The following NCKAP5 variants were observed in gnomAD, a reference collection of about 807,000 sequenced individuals.
NCKAP5 encodes the protein nck-associated protein 5.
NCKAP5 carries 92 observed loss-of-function variants against 167.0 expected under a neutral mutation model. The observed-to-expected ratio is 0.55, with a 90% CI of 0.47 to 0.66. The LOEUF is 0.66. NCKAP5 is among the 30% of genes least tolerant of loss of function. The probability of loss-of-function intolerance (pLI) is 0.00; values close to 1 mark genes in which losing one functional copy is unlikely to be tolerated. For missense variants in NCKAP5, 2,378 were observed against 2,315.0 expected (o/e 1.03, Z -0.56); for synonymous variants, 891 against 877.4 (o/e 1.02, Z -0.27).
intron 4 of NCKAP5, among the ~76,000 whole-genome samples, chr2:133,271,039 C>T (rs1316888094): frequency 6.6e-6 from 1 of 151,240 alleles, no homozygotes; most frequent in Non-Finnish European, 1.5e-5. Context: ...CCTGCCTCAG[C>T]CTCCCGAGTA....
Position 133,108,368 on chromosome 2 carries a change from C to A in NCKAP5, c.341+21610G>T, listed in dbSNP as rs74322414. Among the ~76,000 whole-genome samples the A allele has an allele frequency of 5.9e-5, 9 of 152,268 alleles. No homozygotes were observed. The South Asian group carries it at 1.9e-3, about 32-fold the overall frequency. ...CTCTCTTTTTAATAACAGTCTTCCA[C>A]GGAGTCCCTTGAGAGACTAAGAACC... On this transcript the variant is annotated intron_variant, in intron 6 of 19. Transcript: ENST00000409261.
At chr2:132,914,055 T>G (rs999699664) in intron 8 of NCKAP5, among the ~76,000 whole-genome samples, 3 of 152,168 alleles carry the variant, frequency 2.0e-5, no homozygotes, top group African/African-American at 7.2e-5. Context: ...AAAATAAGCA[T>G]AAGAGCCTTA....
intron 15 of NCKAP5, among the ~76,000 whole-genome samples, chr2:132,779,884 T>G (rs1308667656): frequency 1.3e-5 from 2 of 152,182 alleles, no homozygotes; most frequent in African/African-American, 4.8e-5. Flanking sequence ...TTTCAAGTTT[T>G]CCCTCAGAAA....
chr2:133,660,338 T>C, the NCKAP5 span, among the ~76,000 whole-genome samples: 74 of 152,332 alleles, frequency 4.9e-4, 2 homozygotes, highest in South Asian at 0.015. Context: ...AGTGTAATTA[T>C]TGATATTCAA....
intron 19 of NCKAP5, among the ~76,000 whole-genome samples, chr2:132,725,238 G>A (rs1690330382): frequency 6.6e-6 from 1 of 152,186 alleles, no homozygotes; most frequent in African/African-American, 2.4e-5. Context: ...CAGGTCCAGG[G>A]CTACACAGCA....
In NCKAP5 at chr2:132,994,210, T is replaced by G. The variant is rs2077525246; in HGVS notation, c.371A>C (p.Gln124Pro). Reference protein sequence around the residue: ...RMEETVRNLLQSQGSPEQKKE... With the variant: ...RMEETVRNLLPSQGSPEQKKE... Reference sequence around the variant, plus strand: ...TTTCTGCTCTGGAGATCCTTGACTCTGCAATAGATTTCGTACTGTTTCTTC... The same window carrying G: ...TTTCTGCTCTGGAGATCCTTGACTCGGCAATAGATTTCGTACTGTTTCTTC... Residue 124 changes from glutamine (Q) to proline (P), a missense_variant, in exon 7 of 20, where the codon CAG becomes CCG. Gln to Pro is a moderately conservative substitution (Grantham distance 76). This residue lies in a region of NCKAP5 where 1,049 missense variants were observed against 1,023.4 expected (regional missense o/e 1.02). Coordinates refer to ENST00000409261, the MANE Select transcript of NCKAP5 (RefSeq NM_207363.3). 1.9e-6 allele frequency: 3 copies of G among 1,590,850 alleles called. No individual in the cohort carries two copies. The highest frequency in any genetic ancestry group is 2.7e-5 in the African/African-American group (2 of 74,630).
chr2:133,098,499 T>C (rs1391532297), intron 6 of NCKAP5, among the ~76,000 whole-genome samples: 5 of 152,216 alleles, frequency 3.3e-5, no homozygotes, highest in Admixed American at 2.6e-4. Flanking sequence ...TAGAGTTATG[T>C]TTCAACAAAA....
upstream of NCKAP5, among the ~76,000 whole-genome samples, chr2:133,569,944 CA>C (rs1454977496): frequency 1.3e-5 from 2 of 152,122 alleles, no homozygotes; most frequent in Non-Finnish European, 2.9e-5. Flanking sequence ...TCCACTTTTC[CA>C]TAGTGATCCC....
At chr2:133,347,310 T>C (rs960611741) in intron 3 of NCKAP5, among the ~76,000 whole-genome samples, 1 of 152,104 alleles carries the variant, frequency 6.6e-6, no homozygotes, top group African/African-American at 2.4e-5. Flanking sequence ...TCCCAGCACT[T>C]TGGGAGGCCA....
At chr2:132,984,232 A>G (rs979238387) in intron 7 of NCKAP5, among the ~76,000 whole-genome samples, 2 of 152,188 alleles carry the variant, frequency 1.3e-5, no homozygotes, top group Non-Finnish European at 2.9e-5. Context: ...GTTTAACCAT[A>G]CTAAGGCCCA....
Position 132,879,609 on chromosome 2 carries a change from C to G in NCKAP5, c.580-693G>C, listed in dbSNP as rs76859206. 2.1e-3 allele frequency among the ~76,000 whole-genome samples: 323 copies of G among 152,320 alleles called. 2 individuals are homozygous for G. The highest frequency in any genetic ancestry group is 7.3e-3 in the African/African-American group (302 of 41,578). ...AGGAGCGTGAAATGCTGATATGAAG[C>G]TGCCCTCCACCTCAGGTGACCTGGT... On this transcript the variant is annotated intron_variant, in intron 8 of 19. Transcript: ENST00000409261.
At chr2:133,164,742 C>T (rs574617938) in intron 5 of NCKAP5, among the ~76,000 whole-genome samples, 1 of 152,286 alleles carries the variant, frequency 6.6e-6, no homozygotes, top group East Asian at 1.9e-4. Context: ...CCTTCAGTGT[C>T]TCGGGAATCT....
intron 10 of NCKAP5, among the ~76,000 whole-genome samples, chr2:132,868,247 C>T (rs1690511392): frequency 1.3e-5 from 2 of 152,048 alleles, no homozygotes. Flanking sequence ...AACTTCATGG[C>T]CGGAGATGGT....
At chr2:133,488,920 T>C (rs532529085) in intron 3 of NCKAP5, among the ~76,000 whole-genome samples, 2 of 151,828 alleles carry the variant, frequency 1.3e-5, no homozygotes, top group Non-Finnish European at 2.9e-5. Flanking sequence ...TCTCAAAAAA[T>C]AAAAAATAAA....
intron 3 of NCKAP5, among the ~76,000 whole-genome samples, chr2:133,406,128 C>T (rs923483277): frequency 2.0e-5 from 3 of 152,214 alleles, no homozygotes; most frequent in African/African-American, 7.2e-5. Flanking sequence ...AATAAGTCAA[C>T]AGCAGTGTCT....
intron 11 of NCKAP5, among the ~76,000 whole-genome samples, chr2:132,838,524 C>T (rs772193056): frequency 1.1e-4 from 16 of 151,954 alleles, no homozygotes; most frequent in Non-Finnish European, 1.8e-4. Context: ...CCCAGCTACT[C>T]GGGAGGCTGA....
chr2:132,783,536 A>C lies in NCKAP5; in HGVS notation c.3275T>G (p.Leu1092Trp), dbSNP rs1430004872. Residue 1092 changes from leucine (L) to tryptophan (W), a missense_variant, in exon 14 of 20, where the codon TTG (leucine) becomes TGG (tryptophan). Physicochemically the swap from Leu to Trp is moderately conservative, Grantham distance 61. Coordinates refer to ENST00000409261, the MANE Select transcript of NCKAP5 (RefSeq NM_207363.3). ...KSVSPGRKGQLNDSASTPPKP... is the reference protein window; with the variant it reads ...KSVSPGRKGQWNDSASTPPKP... Reference sequence around the variant, plus strand: ...GGGGGGTGTGGAGGCGCTATCATTCAATTGTCCTTTTCTCCCTGGAGATAC... The same window carrying C: ...GGGGGGTGTGGAGGCGCTATCATTCCATTGTCCTTTTCTCCCTGGAGATAC... The C allele has an allele frequency of 6.2e-7, 1 of 1,613,810 alleles. No individual in the cohort carries two copies. The highest frequency in any genetic ancestry group is 8.5e-7 in the Non-Finnish European group (1 of 1,179,822).
chr2:132,687,966 G>A (rs912791556), intron 19 of NCKAP5, among the ~76,000 whole-genome samples: 2 of 152,148 alleles, frequency 1.3e-5, no homozygotes, highest in African/African-American at 4.8e-5. Context: ...AGCGATTAGC[G>A]CTGGTGGCTT....
chr2:133,550,952 C>T (rs1366958646), intron 2 of NCKAP5, among the ~76,000 whole-genome samples: 1 of 151,766 alleles, frequency 6.6e-6, no homozygotes, highest in Non-Finnish European at 1.5e-5. Context: ...TATACACCAA[C>T]AACAGACAAA....
Sources: allele counts gnomAD v4.1 joint callset (sites outside exome capture counted in the v4.1 genomes callset), GRCh38; gene constraint gnomAD v4.1.1; regional missense constraint gnomAD v4.1.1; transcripts MANE v1.5; gene names NCBI Gene and HGNC (gene_info 2026-07-23, HGNC 2026-07-21).